CEP104: variants seen among roughly 807,000 people sequenced by gnomAD.
The protein encoded by CEP104 is centrosomal protein 104.
A neutral mutation model predicts 113.3 loss-of-function variants in CEP104; 84 were observed. That is an observed-to-expected ratio of 0.74 (90% CI 0.62 to 0.89). The LOEUF (loss-of-function observed/expected upper bound fraction) is 0.89. Ranked by LOEUF, CEP104 falls within the 40% of genes least tolerant of loss-of-function variation. The probability of loss-of-function intolerance (pLI) is 0.00; values close to 1 mark genes in which losing one functional copy is unlikely to be tolerated. For missense variants in CEP104, 1,053 were observed against 1,156.6 expected (o/e 0.91, Z 1.30); for synonymous variants, 378 against 421.7 (o/e 0.90, Z 1.27).
intron 6 of CEP104, chr1:3,843,244 G>A (rs59049727): frequency 7.0e-6 from 5 of 712,364 alleles, no homozygotes; most frequent in Non-Finnish European, 2.6e-6. Flanking sequence ...GAGGTGCCCA[G>A]GACAGAGAGG....
chr1:3,820,805 G>A (rs1643957786), intron 20 of CEP104, among the ~76,000 whole-genome samples: 2 of 152,172 alleles, frequency 1.3e-5, no homozygotes, highest in Admixed American at 6.5e-5. Context: ...TGCTGGCGGT[G>A]CAGGTGCCAC....
intron 6 of CEP104, among the ~76,000 whole-genome samples, chr1:3,840,835 C>T (rs778882964): frequency 3.9e-5 from 6 of 152,220 alleles, no homozygotes; most frequent in Non-Finnish European, 5.9e-5. Context: ...CCACTGCACC[C>T]AGCCAGCATC....
Position 3,833,862 on chromosome 1 carries a change from C to G in CEP104, c.1659G>C (p.Gln553His). ...TCAAATGCCGTGGTGAAGTTCAGACCTGAATAAAATTTGCAGCTGTGACGC... is the reference window on the plus strand; with the variant it reads ...TCAAATGCCGTGGTGAAGTTCAGACGTGAATAAAATTTGCAGCTGTGACGC... ...RLRVTAANFI[Q>H]EMALFKEVKS... The change falls in exon 12 of 22, where the codon CAG becomes CAC. Residue 553 changes from glutamine to histidine, a missense_variant and splice_region_variant. Transcript: ENST00000378230. 1 of 1,614,134 alleles carries G rather than the reference C, an allele frequency of 6.2e-7. No individual in the cohort carries two copies. The highest frequency in any genetic ancestry group is 8.5e-7 in the Non-Finnish European group (1 of 1,180,002).
chr1:3,841,470 C>CT (rs936142859), intron 6 of CEP104, among the ~76,000 whole-genome samples: 6 of 152,356 alleles, frequency 3.9e-5, no homozygotes, highest in Admixed American at 2.6e-4. Flanking sequence ...ACATATGACA[C>CT]TTTAAGTCAC....
In CEP104 at chr1:3,834,557, A is replaced by G. The variant is rs182578401; in HGVS notation, c.1485+368T>C. ...TGTCCATTCTTAAGGCCCATTCAGC[A>G]TTAGAAAAAACAGTAATTCTCAACC... On this transcript the variant is annotated intron_variant, in intron 11 of 21. Coordinates refer to ENST00000378230, the MANE Select transcript of CEP104 (RefSeq NM_014704.4). Among the ~76,000 whole-genome samples the G allele has an allele frequency of 5.7e-3, 870 of 152,352 alleles. 8 individuals carry two copies. Among genetic ancestry groups the G allele is most frequent in the African/African-American group, 0.02 (811 of 41,588 alleles).
chr1:3,852,790 G>A (rs1489332064), intron 1 of CEP104, among the ~76,000 whole-genome samples: 1 of 152,190 alleles, frequency 6.6e-6, no homozygotes, highest in African/African-American at 2.4e-5. Flanking sequence ...GGTCCTCGGG[G>A]TGGGCCCAAT....
Position 3,829,306 on chromosome 1 carries a change from C to A in CEP104, c.2111G>T (p.Gly704Val), listed in dbSNP as rs139181137. The change falls in exon 15 of 22, where the codon GGG (glycine) becomes GTG (valine). Residue 704 changes from glycine (G) to valine (V), a missense_variant. Coordinates refer to ENST00000378230, the MANE Select transcript of CEP104 (RefSeq NM_014704.4). ...AATTTCTTTCAGTGCTGCCAGCTGC[C>A]CTTGTAAAGCTTTTATTTCTTCTTT... is the stretch of plus-strand genomic sequence containing the variant. ...QKKEEIKALQGQLAALKEIQA... is the reference protein window; with the variant it reads ...QKKEEIKALQVQLAALKEIQA... 4.3e-5 allele frequency: 68 copies of A among 1,598,710 alleles called. No individual in the cohort carries two copies. In the African/African-American group the frequency reaches 8.1e-4, roughly 19 times the overall value.
At position 3,829,456 on chromosome 1, in the gene CEP104, A is replaced by G. The variant is rs922659497; in HGVS notation, c.2044-83T>C. On this transcript the variant is annotated intron_variant, in intron 14 of 21. Transcript: ENST00000378230. ...GGAGACAAATTATGGCATATCAACT[A>G]TATTTCTTATAAATTATAATATTCA... 1.6e-5 allele frequency: 14 copies of G among 881,150 alleles called. No homozygotes were observed. In the African/African-American group the frequency reaches 2.1e-4, roughly 13 times the overall value. The allele number at this position is 881,150 out of a possible 1,614,324, so 54.6% of individuals were successfully genotyped here.
At chr1:3,855,920 C>T (rs1644715648) in intron 1 of CEP104, 3 of 985,420 alleles carry the variant, frequency 3.0e-6, no homozygotes, top group African/African-American at 3.5e-5. Context: ...CCATCGACAT[C>T]CCGACAAATG....
Position 3,815,257 on chromosome 1 carries a change from A to G in CEP104, c.*145T>C. 1.6e-6 allele frequency: 1 copy of G among 631,266 alleles called. No homozygotes were observed. 39.1% of individuals were successfully genotyped at this position (631,266 alleles called of 1,614,324 possible). ...TCGTTTGCACGAGAGCTGACGGCAC[A>G]GACGCGTAAGAGGCGTGCACGGCGG... On this transcript the variant is annotated 3_prime_UTR_variant, in exon 22 of 22. Transcript: ENST00000378230.
At chr1:3,825,957 C>T (rs1644082458) in intron 17 of CEP104, 91 bp from the exon 18 acceptor site, 1 of 885,956 alleles carries the variant, frequency 1.1e-6, no homozygotes, top group Admixed American at 1.9e-5. Context: ...TTCTGAATTT[C>T]CCCAGTCCCT....
intron 1 of CEP104, among the ~76,000 whole-genome samples, chr1:3,853,728 T>C (rs1410035784): frequency 1.3e-5 from 2 of 152,172 alleles, no homozygotes; most frequent in African/African-American, 2.4e-5. Context: ...CAAAGTTCAC[T>C]GCAAGATGTT....
At chr1:3,847,221 T>C (rs970595760) in intron 4 of CEP104, among the ~76,000 whole-genome samples, 12 of 152,258 alleles carry the variant, frequency 7.9e-5, no homozygotes, top group African/African-American at 2.7e-4. Flanking sequence ...CCTTTTGTAC[T>C]GAGTCTCTGA....
At chr1:3,841,481 G>A (rs1339535939) in intron 6 of CEP104, among the ~76,000 whole-genome samples, 3 of 152,172 alleles carry the variant, frequency 2.0e-5, no homozygotes, top group Non-Finnish European at 4.4e-5. Flanking sequence ...TTTAAGTCAC[G>A]TTGCCTTGCT....
intron 9 of CEP104, 113 bp from the exon 10 acceptor site, chr1:3,836,805 TA>T (rs1444108751): frequency 3.6e-6 from 3 of 826,164 alleles, no homozygotes; most frequent in Non-Finnish European, 5.7e-6. Flanking sequence ...TGAAAGATGT[TA>T]TTTTGCTAAA....
chr1:3,828,223 C>T (rs992471735), intron 15 of CEP104, among the ~76,000 whole-genome samples: 29 of 152,284 alleles, frequency 1.9e-4, no homozygotes, highest in Middle Eastern at 6.8e-3. Context: ...CTTCAGTTTG[C>T]GACATCCGTG....
intron 12 of CEP104, among the ~76,000 whole-genome samples, chr1:3,831,861 G>T (rs1046806602): frequency 1.3e-5 from 2 of 152,092 alleles, no homozygotes; most frequent in Admixed American, 6.6e-5. Context: ...ATCTCTTATC[G>T]TGCTGGCCTG....
rs1232441909 is a variant in CEP104, at chr1:3,812,675, T to TA, written c.*2726dup. 6.6e-6 allele frequency: 1 copy of TA among 151,992 alleles called. No individual in the cohort carries two copies. Among genetic ancestry groups the TA allele is most frequent in the Non-Finnish European group, 1.5e-5 (1 of 68,002 alleles). The allele number at this position is 151,992 out of a possible 1,614,324, so 9.4% of individuals were successfully genotyped here. On this transcript the variant is annotated 3_prime_UTR_variant, in exon 22 of 22. Transcript: ENST00000378230. ...CAATATGGTGAAACCCCGTCTCTACTAAAAATACAAAAAAATTAGCCAGGC... is the reference window on the plus strand; with the variant it reads ...CAATATGGTGAAACCCCGTCTCTACTAAAAAATACAAAAAAATTAGCCAGGC...
rs1644531885 is a variant in CEP104 at position 3,847,621 on chromosome 1, A to G, written c.288-8T>C. ...TCACAGAGAGACACGTAGCTGAAAAACAAAACACAACTGAAGAATTTGAAA... is the reference window on the plus strand; with the variant it reads ...TCACAGAGAGACACGTAGCTGAAAAGCAAAACACAACTGAAGAATTTGAAA... On this transcript the variant is annotated splice_region_variant and splice_polypyrimidine_tract_variant and intron_variant, in intron 3 of 21. Transcript: ENST00000378230. The G allele has an allele frequency of 3.1e-6, 5 of 1,614,120 alleles. No homozygotes were observed. Among genetic ancestry groups the G allele is most frequent in the Non-Finnish European group, 4.2e-6 (5 of 1,180,014 alleles).
Sources: gnomAD v4.1 joint callset for allele counts (sites outside exome capture counted in the v4.1 genomes callset) on GRCh38, gnomAD v4.1.1 for gene constraint, MANE v1.5 for transcripts, NCBI Gene and HGNC (gene_info 2026-07-23, HGNC 2026-07-21) for gene names.